The following MARCHF1 variants were observed in gnomAD, a reference collection of about 807,000 sequenced individuals.
MARCHF1 encodes E3 ubiquitin-protein ligase MARCHF1.
MARCHF1 carries 40 observed loss-of-function variants against 54.2 expected under a neutral mutation model. That is an observed-to-expected ratio of 0.74 (90% CI 0.57 to 0.96). The LOEUF (loss-of-function observed/expected upper bound fraction) is 0.96, where lower values mean the gene tolerates loss of function less well. Among genes scored for constraint, MARCHF1 ranks in the 40% least tolerant of loss-of-function variants. MARCHF1 has a pLI of 0.00. For synonymous variants in MARCHF1, 236 were observed against 236.3 expected (o/e 1.00, Z 0.01); for missense variants, 586 against 656.5 (o/e 0.89, Z 1.17).
chr4:163,563,248 C>T (rs1739530608), intron 8 of MARCHF1, among the ~76,000 whole-genome samples: 1 of 152,152 alleles, frequency 6.6e-6, no homozygotes, highest in South Asian at 2.1e-4. Flanking sequence ...TAACTTAATT[C>T]TCACAACCTT....
chr4:163,943,416 T>G (rs547017608), intron 3 of MARCHF1, among the ~76,000 whole-genome samples: 45 of 152,282 alleles, frequency 3.0e-4, no homozygotes, highest in African/African-American at 9.4e-4. Flanking sequence ...GGCTAGCCAG[T>G]TGTCCCAGCA....
Position 164,049,339 on chromosome 4 carries a change from C to G in MARCHF1, c.-247-60630G>C, listed in dbSNP as rs117966731. On this transcript the variant is annotated intron_variant, in intron 2 of 9. Coordinates refer to ENST00000514618, the MANE Select transcript of MARCHF1 (RefSeq NM_001394959.1). ...CACCTCCCACCCACCAGGTCCCTCCCTTGACACATGGGGATTACAATTCAA... is the reference window on the plus strand; with the variant it reads ...CACCTCCCACCCACCAGGTCCCTCCGTTGACACATGGGGATTACAATTCAA... Among the ~76,000 whole-genome samples the G allele has an allele frequency of 2.1e-3, 315 of 152,302 alleles. 8 individuals are homozygous for G. The East Asian group carries it at 0.047, about 23-fold the overall frequency.
intron 1 of MARCHF1, among the ~76,000 whole-genome samples, chr4:164,308,734 A>AT (rs760086800): frequency 5.6e-4 from 85 of 152,278 alleles, no homozygotes; most frequent in Non-Finnish European, 1.1e-3. Flanking sequence ...ACTCTCACTT[A>AT]TAAGTGGGAG....
intron 1 of MARCHF1, among the ~76,000 whole-genome samples, chr4:164,260,627 C>G (rs1479416361): frequency 4.6e-5 from 7 of 152,344 alleles, no homozygotes; most frequent in African/African-American, 1.7e-4. Flanking sequence ...GAACTATTTT[C>G]TGTCATTCCA....
chr4:164,211,488 A>T (rs1035950074), intron 1 of MARCHF1, among the ~76,000 whole-genome samples: 6 of 151,996 alleles, frequency 3.9e-5, no homozygotes, highest in African/African-American at 7.2e-5. Flanking sequence ...TGGTTTGGCA[A>T]AAGTCAAAGG....
intron 5 of MARCHF1, among the ~76,000 whole-genome samples, chr4:163,652,497 T>C (rs1743002315): frequency 6.6e-6 from 1 of 151,850 alleles, no homozygotes; most frequent in South Asian, 2.1e-4. Context: ...ATGTCTCTCC[T>C]CCAGCTCTCG....
At chr4:164,013,712 G>A (rs1247623797) in intron 2 of MARCHF1, among the ~76,000 whole-genome samples, 2 of 149,694 alleles carry the variant, frequency 1.3e-5, no homozygotes, top group Non-Finnish European at 1.5e-5. Flanking sequence ...TCACAAGGAA[G>A]TGAGATGACG....
chr4:164,078,539 T>A (rs1378177249), intron 2 of MARCHF1, among the ~76,000 whole-genome samples: 2 of 42,318 alleles, frequency 4.7e-5, no homozygotes, highest in Non-Finnish European at 1.8e-4. Context: ...AATAAATAAT[T>A]TTTTTTTAAA....
chr4:163,601,544 A>G (rs1322840441), intron 7 of MARCHF1, among the ~76,000 whole-genome samples: 1 of 152,126 alleles, frequency 6.6e-6, no homozygotes, highest in African/African-American at 2.4e-5. Flanking sequence ...TATCTAATTC[A>G]TAATCCTTCC....
intron 7 of MARCHF1, among the ~76,000 whole-genome samples, chr4:163,593,014 C>T (rs1271228100): frequency 6.6e-6 from 1 of 152,088 alleles, no homozygotes; most frequent in Non-Finnish European, 1.5e-5. Context: ...AGGATAATCC[C>T]TTCCCTGTTA....
intron 3 of MARCHF1, among the ~76,000 whole-genome samples, chr4:163,883,880 A>G (rs140255756): frequency 2.6e-5 from 4 of 152,304 alleles, no homozygotes; most frequent in African/African-American, 9.6e-5. Context: ...AAGGGCATTC[A>G]ATAAGTCTAT....
At chr4:164,184,473 T>C (rs1023458898) in intron 1 of MARCHF1, among the ~76,000 whole-genome samples, 13 of 152,198 alleles carry the variant, frequency 8.5e-5, no homozygotes, top group African/African-American at 1.4e-4. Flanking sequence ...CATTGTTACA[T>C]ACACAAAACA....
chr4:163,594,785 CA>C (rs1470845111), intron 7 of MARCHF1, among the ~76,000 whole-genome samples: 2 of 151,664 alleles, frequency 1.3e-5, no homozygotes, highest in African/African-American at 4.9e-5. Flanking sequence ...CACACACACA[CA>C]CCCAAACCCA....
chr4:164,346,232 C>T (rs1398874586), intron 1 of MARCHF1, among the ~76,000 whole-genome samples: 5 of 152,014 alleles, frequency 3.3e-5, no homozygotes, highest in Non-Finnish European at 5.9e-5. Context: ...AAATGAGTCT[C>T]TTAGGAGTTG....
chr4:163,611,435 A>C (rs575348024), intron 7 of MARCHF1, among the ~76,000 whole-genome samples: 3 of 152,274 alleles, frequency 2.0e-5, no homozygotes, highest in African/African-American at 7.2e-5. Flanking sequence ...AAGCAAAGCA[A>C]AACATAACAA....
At chr4:163,979,700 T>G (rs1165368729) in intron 3 of MARCHF1, among the ~76,000 whole-genome samples, 6 of 152,158 alleles carry the variant, frequency 3.9e-5, no homozygotes. Flanking sequence ...CCTGACTTTT[T>G]AATGATTGCC....
At chr4:163,791,112 G>T (rs1338727940) in intron 4 of MARCHF1, among the ~76,000 whole-genome samples, 1 of 152,068 alleles carries the variant, frequency 6.6e-6, no homozygotes, top group African/African-American at 2.4e-5. Context: ...GCACAGTAAA[G>T]AAAATTTTAC....
intron 3 of MARCHF1, among the ~76,000 whole-genome samples, chr4:163,898,319 G>A (rs1750860269): frequency 1.3e-5 from 2 of 152,016 alleles, no homozygotes; most frequent in South Asian, 4.1e-4. Flanking sequence ...TCCAAAATCT[G>A]CAAGGAACTC....
intron 2 of MARCHF1, among the ~76,000 whole-genome samples, chr4:164,037,660 G>T (rs995167877): frequency 6.6e-6 from 1 of 152,158 alleles, no homozygotes; most frequent in Non-Finnish European, 1.5e-5. Flanking sequence ...GGCTGTGCAT[G>T]GTGACTTCAA....
Sources: allele counts gnomAD v4.1 joint callset (sites outside exome capture counted in the v4.1 genomes callset), GRCh38; gene constraint gnomAD v4.1.1; transcripts MANE v1.5; gene names NCBI Gene and HGNC (gene_info 2026-07-23, HGNC 2026-07-21).